The following MAD1L1 variants were observed in gnomAD, a reference collection of about 807,000 sequenced individuals.
The protein encoded by MAD1L1 is mitotic arrest deficient 1 like 1.
In MAD1L1, 95 loss-of-function variants were observed where a neutral mutation model predicts 96.9. That is an observed-to-expected ratio of 0.98 (90% CI 0.83 to 1.16). The LOEUF is 1.16. MAD1L1 is among the 50% of genes most tolerant of loss of function. The pLI is 0.00. For missense variants in MAD1L1, 1,007 were observed against 954.4 expected (o/e 1.06, Z -0.73); for synonymous variants, 473 against 396.6 (o/e 1.19, Z -2.29).
At chr7:2,057,222 G>T (rs78945340) in intron 12 of MAD1L1, among the ~76,000 whole-genome samples, 1 of 152,240 alleles carries the variant, frequency 6.6e-6, no homozygotes, top group Admixed American at 6.5e-5. Flanking sequence ...CACAGGAGAC[G>T]CACAGTAAGA....
At chr7:2,122,667 CCAGGCAGGTGAGACT>C in intron 11 of MAD1L1, among the ~76,000 whole-genome samples, 1 of 152,268 alleles carries the variant, frequency 6.6e-6, no homozygotes, top group African/African-American at 2.4e-5. Flanking sequence ...CTGGCCTGCT[CCAGGCAGGTGAGACT>C]CAGGCAGGAA....
chr7:2,040,302 A>G (rs1379871660), intron 12 of MAD1L1, among the ~76,000 whole-genome samples: 1 of 152,308 alleles, frequency 6.6e-6, no homozygotes, highest in African/African-American at 2.4e-5. Context: ...GCTCCATCTC[A>G]GCTCCTCCGG....
chr7:2,083,197 T>G (rs1247575598), intron 11 of MAD1L1, among the ~76,000 whole-genome samples: 1 of 152,228 alleles, frequency 6.6e-6, no homozygotes, highest in Non-Finnish European at 1.5e-5. Flanking sequence ...GAATTATTAG[T>G]TTCCCTTTCA....
intron 15 of MAD1L1, among the ~76,000 whole-genome samples, chr7:1,969,066 G>A (rs1488488075): frequency 1.3e-5 from 2 of 152,190 alleles, no homozygotes; most frequent in African/African-American, 4.8e-5. Flanking sequence ...CTGGTAAACA[G>A]TGTGGCAATT....
intron 18 of MAD1L1, among the ~76,000 whole-genome samples, chr7:1,895,923 C>T (rs900343206): frequency 2.0e-5 from 3 of 152,218 alleles, no homozygotes; most frequent in African/African-American, 2.4e-5. Context: ...AGTGAGGGGG[C>T]GGCCTGGGGA....
chr7:2,058,709 G>C (rs1584216561), intron 12 of MAD1L1, among the ~76,000 whole-genome samples: 1 of 126,708 alleles, frequency 7.9e-6, no homozygotes, highest in East Asian at 2.6e-4. Flanking sequence ...GTGGCCAGGG[G>C]AGAGGAGAGG....
chr7:1,998,670 A>C (rs1781660146), intron 14 of MAD1L1, among the ~76,000 whole-genome samples: 1 of 152,164 alleles, frequency 6.6e-6, no homozygotes, highest in South Asian at 2.1e-4. Flanking sequence ...CTGAGAAGGA[A>C]GCACCGACAG....
chr7:2,225,606 G>A (rs973928319), intron 3 of MAD1L1, 56 bp from the exon 4 acceptor site: 5 of 1,586,892 alleles, frequency 3.2e-6, no homozygotes, highest in Non-Finnish European at 4.3e-6. Context: ...ATCAAACCAG[G>A]TGAGTGACTC....
intron 16 of MAD1L1, among the ~76,000 whole-genome samples, chr7:1,951,337 G>A (rs933734758): frequency 6.6e-6 from 1 of 152,220 alleles, no homozygotes; most frequent in Admixed American, 6.5e-5. Flanking sequence ...CCGTGTGAGG[G>A]CAGGGTTGGA....
intron 10 of MAD1L1, among the ~76,000 whole-genome samples, chr7:2,171,730 G>A (rs935634842): frequency 7.9e-5 from 12 of 151,984 alleles, no homozygotes; most frequent in African/African-American, 2.9e-4. Flanking sequence ...GGGTGGAGAT[G>A]GGACACATAT....
intron 3 of MAD1L1, among the ~76,000 whole-genome samples, chr7:2,227,807 C>G (rs3800938): frequency 0.27 from 40,638 of 152,160 alleles, 6,817 homozygotes; most frequent in East Asian, 0.52. Flanking sequence ...AGGGTGGGCA[C>G]CCCGCCTGCA....
At chr7:2,220,849 C>T in intron 5 of MAD1L1, 3 of 1,571,508 alleles carry the variant, frequency 1.9e-6, no homozygotes, top group Non-Finnish European at 1.7e-6. Context: ...TAAACACATC[C>T]TCCCAGAGGT....
intron 16 of MAD1L1, among the ~76,000 whole-genome samples, chr7:1,939,440 C>T (rs533350146): frequency 6.6e-6 from 1 of 152,300 alleles, no homozygotes; most frequent in South Asian, 2.1e-4. Flanking sequence ...AGCTGTGGGG[C>T]AGTGAGACTG....
chr7:1,864,036 T>C (rs1041439833), intron 18 of MAD1L1, among the ~76,000 whole-genome samples: 1 of 151,976 alleles, frequency 6.6e-6, no homozygotes, highest in Non-Finnish European at 1.5e-5. Context: ...GAGGTTGCAG[T>C]GAGCCGAGAT....
At chr7:2,208,544 C>A (rs1792716666) in intron 10 of MAD1L1, among the ~76,000 whole-genome samples, 1 of 152,190 alleles carries the variant, frequency 6.6e-6, no homozygotes, top group South Asian at 2.1e-4. Flanking sequence ...TATCATTTAG[C>A]TGGTTGAGGA....
At chr7:2,100,606 G>A (rs1039326249) in intron 11 of MAD1L1, among the ~76,000 whole-genome samples, 2 of 152,258 alleles carry the variant, frequency 1.3e-5, no homozygotes, top group Non-Finnish European at 2.9e-5. Context: ...CGTGTCCTGG[G>A]CCCTGGCTGC....
rs200528893 is a variant in MAD1L1, at chr7:2,194,537, G to T, written c.986+18675C>A. On this transcript the variant is annotated intron_variant, in intron 10 of 18. Transcript: ENST00000265854. ...TCCTCAGTCTCAGACAAGCCGTGAG[G>T]GCTAATCACCCTATTCTGGGCTAGA... Among the ~76,000 whole-genome samples, 19 of 152,250 alleles carry T rather than the reference G, an allele frequency of 1.2e-4. No individual in the cohort carries two copies. The East Asian group carries it at 2.9e-3, about 23-fold the overall frequency.
At chr7:1,851,210 C>T (rs1170517935) in intron 18 of MAD1L1, among the ~76,000 whole-genome samples, 1 of 152,078 alleles carries the variant, frequency 6.6e-6, no homozygotes, top group Non-Finnish European at 1.5e-5. Context: ...GGCAGGAGCC[C>T]GGCCTCGGCC....
chr7:2,036,969 C>A (rs562473189), intron 12 of MAD1L1, among the ~76,000 whole-genome samples: 1 of 152,110 alleles, frequency 6.6e-6, no homozygotes, highest in Non-Finnish European at 1.5e-5. Context: ...CAGCACTCCT[C>A]CCACAGCTCC....
Sources: allele counts gnomAD v4.1 joint callset (sites outside exome capture counted in the v4.1 genomes callset), GRCh38; gene constraint gnomAD v4.1.1; transcripts MANE v1.5; gene names NCBI Gene and HGNC (gene_info 2026-07-23, HGNC 2026-07-21).